Variants in ANK3 observed in about 807,000 individuals in gnomAD.
The protein encoded by ANK3 is ankyrin 3.
In ANK3, 57 loss-of-function variants were observed where a neutral mutation model predicts 370.9. That is an observed-to-expected ratio of 0.15 (90% confidence interval 0.12 to 0.19). ANK3 has a LOEUF of 0.19. Among genes scored for constraint, ANK3 ranks in the 10% least tolerant of loss-of-function variants. ANK3 has a pLI of 1.00. For missense variants in ANK3, 4,439 were observed against 5,302.1 expected, an observed-to-expected ratio of 0.84 and a Z score of 5.06; for synonymous variants, 1,929 against 1,946.3, an observed-to-expected ratio of 0.99 and a Z score of 0.23.
At chr10:60,396,873 A>C (rs2063250843) in intron 2 of ANK3, among the ~76,000 whole-genome samples, 1 of 152,180 alleles carries the variant, frequency 6.6e-6, no homozygotes, top group Non-Finnish European at 1.5e-5. Flanking sequence ...AGGAATTCTT[A>C]ACTCTCCCAA....
At chr10:60,708,758 G>A (rs2079655816) in intron 1 of ANK3, among the ~76,000 whole-genome samples, 1 of 152,158 alleles carries the variant, frequency 6.6e-6, no homozygotes, top group Admixed American at 6.5e-5. Context: ...CACTTGTGAA[G>A]GCACAGCTCA....
chr10:60,467,718 T>G (rs1436811205), intron 2 of ANK3, among the ~76,000 whole-genome samples: 2 of 152,054 alleles, frequency 1.3e-5, no homozygotes, highest in Non-Finnish European at 2.9e-5. Context: ...TCCCAGTAAA[T>G]CATGTGAAGT....
chr10:60,473,862 A>T lies in ANK3; in HGVS notation c.96+141324T>A, dbSNP rs116314487. On this transcript the variant is annotated intron_variant, in intron 2 of 43. Coordinates refer to the ANK3 transcript ENST00000373827. ...TTTTGAATAAACAGGCTAGGTGCAG[A>T]GGCTCACCTTTGTAATCAGTACTTT... Among the ~76,000 whole-genome samples the T allele has an allele frequency of 3.6e-3, 550 of 151,454 alleles. 2 individuals are homozygous for T. Among genetic ancestry groups the T allele is most frequent in the African/African-American group, 0.012 (513 of 41,342 alleles).
At chr10:60,569,249 A>T (rs2077535298) in intron 2 of ANK3, among the ~76,000 whole-genome samples, 1 of 152,198 alleles carries the variant, frequency 6.6e-6, no homozygotes, top group African/African-American at 2.4e-5. Context: ...TTCCACCATG[A>T]TGACCACTTC....
At chr10:60,118,384 A>G (rs973969512) in intron 25 of ANK3, among the ~76,000 whole-genome samples, 1 of 152,244 alleles carries the variant, frequency 6.6e-6, no homozygotes, top group African/African-American at 2.4e-5. Flanking sequence ...AATGAGGAAC[A>G]GCTTTATCTG....
At chr10:60,605,257 G>GACAAGATGTGATCTGTCTACAGACTC (rs1394480646) in intron 2 of ANK3, among the ~76,000 whole-genome samples, 8 of 152,022 alleles carry the variant, frequency 5.3e-5, no homozygotes, top group Non-Finnish European at 8.8e-5. Flanking sequence ...TGACACACAT[G>GACAAGATGTGATCTGTCTACAGACTC]ACAAGATGTG....
intron 2 of ANK3, among the ~76,000 whole-genome samples, chr10:60,494,809 T>G (rs918848471): frequency 2.6e-5 from 4 of 152,204 alleles, no homozygotes; most frequent in African/African-American, 9.7e-5. Flanking sequence ...GTATTATGAA[T>G]GACATAGCAC....
intron 8 of ANK3, among the ~76,000 whole-genome samples, chr10:60,231,617 G>A (rs575492173): frequency 2.6e-5 from 4 of 152,006 alleles, no homozygotes; most frequent in Admixed American, 6.6e-5. Context: ...ATTTTAGCCC[G>A]CTCCTTCCCT....
At chr10:60,080,820 A>G (rs2085028407) in intron 35 of ANK3, among the ~76,000 whole-genome samples, 1 of 152,216 alleles carries the variant, frequency 6.6e-6, no homozygotes, top group Admixed American at 6.5e-5. Flanking sequence ...GCACCAACAC[A>G]GCAGACTACA....
intron 1 of ANK3, among the ~76,000 whole-genome samples, chr10:60,704,962 A>C (rs553005461): frequency 6.6e-6 from 1 of 152,338 alleles, no homozygotes; most frequent in African/African-American, 2.4e-5. Context: ...ATATTTTTAA[A>C]GCTTTTAATC....
rs534415604 is a variant in ANK3 at position 60,723,856 on chromosome 10, A to T, written c.57+9407T>A. Among the ~76,000 whole-genome samples, 37 of 152,190 alleles carry T rather than the reference A, an allele frequency of 2.4e-4. No individual in the cohort carries two copies. In the East Asian group the frequency reaches 7.0e-3, roughly 29 times the overall value. ...TGATGATGTGATGACTAAAGCTGGG[A>T]TCTAAGTGATGTGAGGTCAAGAGCC... is the stretch of plus-strand genomic sequence containing the variant. On this transcript the variant is annotated intron_variant, in intron 1 of 43. Transcript: ENST00000373827.
At chr10:60,532,351 C>T (rs959773123) in intron 2 of ANK3, among the ~76,000 whole-genome samples, 3 of 152,060 alleles carry the variant, frequency 2.0e-5, no homozygotes, top group South Asian at 2.1e-4. Flanking sequence ...TGCTGTACCT[C>T]CCAGGACCTG....
At position 60,101,875 on chromosome 10, in the gene ANK3, A is replaced by C. The variant is rs893411897; in HGVS notation, c.3328+4030T>G. 3.6e-4 allele frequency among the ~76,000 whole-genome samples: 55 copies of C among 152,138 alleles called. 1 individual carries two copies. Among genetic ancestry groups the C allele is most frequent in the Non-Finnish European group, 1.2e-4 (8 of 68,020 alleles). ...TCTTCATTAGTAATGGACAACTTAAATACCAGCTGACATATATGTGGCTCT... is the reference window on the plus strand; with the variant it reads ...TCTTCATTAGTAATGGACAACTTAACTACCAGCTGACATATATGTGGCTCT... On this transcript the variant is annotated intron_variant, in intron 28 of 43. Coordinates refer to ENST00000280772, the MANE Select transcript of ANK3 (RefSeq NM_020987.5).
intron 43 of ANK3, among the ~76,000 whole-genome samples, chr10:60,041,525 TG>T (rs1359563740): frequency 1.3e-5 from 2 of 152,102 alleles, no homozygotes; most frequent in Non-Finnish European, 2.9e-5. Flanking sequence ...ATCTATCAAA[TG>T]GGGATGATGA....
At chr10:60,640,894 T>C (rs1166896228) in intron 1 of ANK3, among the ~76,000 whole-genome samples, 1 of 82,152 alleles carries the variant, frequency 1.2e-5, no homozygotes, top group African/African-American at 4.0e-5. Flanking sequence ...AAAACCCCAT[T>C]GTCTCAGCCC....
intron 28 of ANK3, among the ~76,000 whole-genome samples, chr10:60,091,064 C>A (rs976692286): frequency 3.3e-5 from 5 of 152,192 alleles, no homozygotes; most frequent in Non-Finnish European, 7.3e-5. Context: ...GCCACCACGC[C>A]CAGCTAATTT....
rs781551938 is a variant in ANK3 at position 60,083,632 on chromosome 10, G to T, written c.4075-15C>A. On this transcript the variant is annotated splice_polypyrimidine_tract_variant and intron_variant, in intron 32 of 43. Coordinates refer to ENST00000280772, the MANE Select transcript of ANK3 (RefSeq NM_020987.5). The stretch of plus-strand genomic sequence containing the variant: ...CCTTCCAGAACCTTTTAGAGTAAAA[G>T]AAATAAACAATTTAATGTTAATCTG... 1.1e-5 allele frequency: 17 copies of T among 1,558,818 alleles called. No homozygotes were observed. The highest frequency in any genetic ancestry group is 2.0e-5 in the Admixed American group (1 of 50,178).
intron 7 of ANK3, among the ~76,000 whole-genome samples, chr10:60,238,220 G>T (rs892308000): frequency 6.6e-6 from 1 of 152,176 alleles, no homozygotes; most frequent in African/African-American, 2.4e-5. Context: ...GAGTAACGCT[G>T]TGAGCTGCAC....
At chr10:60,349,341 C>T (rs927640831) in intron 1 of ANK3, among the ~76,000 whole-genome samples, 8 of 152,258 alleles carry the variant, frequency 5.3e-5, no homozygotes, top group African/African-American at 1.9e-4. Flanking sequence ...AGTACAAAAA[C>T]CTCATGTGTT....
Sources: gnomAD v4.1 joint callset for allele counts (sites outside exome capture counted in the v4.1 genomes callset) on GRCh38, gnomAD v4.1.1 for gene constraint, MANE v1.5 for transcripts, NCBI Gene and HGNC (gene_info 2026-07-23, HGNC 2026-07-21) for gene names.